KLHDC4: variants seen among roughly 807,000 people sequenced by gnomAD.
KLHDC4 encodes kelch domain-containing protein 4.
A neutral mutation model predicts 62.4 loss-of-function variants in KLHDC4; 90 were observed. The observed-to-expected ratio is 1.44, with a 90% CI of 1.22 to 1.72. The LOEUF is 1.72. KLHDC4 is among the 40% of genes most tolerant of loss of function. The pLI is 0.00. For missense variants in KLHDC4, 1,025 were observed against 699.7 expected (o/e 1.47, Z -5.25); for synonymous variants, 386 against 284.4 (o/e 1.36, Z -3.59).
intron 2 of KLHDC4, among the ~76,000 whole-genome samples, chr16:87,758,543 G>A (rs922921496): frequency 3.9e-5 from 6 of 152,158 alleles, no homozygotes; most frequent in Non-Finnish European, 1.5e-5. Flanking sequence ...AGGGGGCTGG[G>A]GGAGGGGAAA....
At chr16:87,757,677 G>A (rs976774123) in intron 2 of KLHDC4, among the ~76,000 whole-genome samples, 1 of 151,912 alleles carries the variant, frequency 6.6e-6, no homozygotes, top group Non-Finnish European at 1.5e-5. Flanking sequence ...ATCACCTGAG[G>A]TGAGGAGTTC....
At chr16:87,727,693 C>T (rs746721) in intron 6 of KLHDC4, among the ~76,000 whole-genome samples, 1 of 152,040 alleles carries the variant, frequency 6.6e-6, no homozygotes, top group Non-Finnish European at 1.5e-5. Flanking sequence ...AACTTTGACA[C>T]AATTATCGTG....
chr16:87,765,235 T>G, intron 1 of KLHDC4: 1 of 456,088 alleles, frequency 2.2e-6, no homozygotes, highest in Non-Finnish European at 4.4e-6. Context: ...GAGACAACCG[T>G]GATGGCCGCC....
intron 2 of KLHDC4, among the ~76,000 whole-genome samples, chr16:87,759,736 G>A (rs941094514): frequency 5.9e-5 from 9 of 152,074 alleles, no homozygotes; most frequent in East Asian, 1.9e-4. Flanking sequence ...GCTACACTCC[G>A]TCTCAGAAAA....
At chr16:87,719,252 G>C (rs1366567133) in intron 7 of KLHDC4, among the ~76,000 whole-genome samples, 1 of 152,276 alleles carries the variant, frequency 6.6e-6, no homozygotes. Context: ...GGAAAAGAAA[G>C]AGAGATCAGA....
At chr16:87,732,097 CTT>C (rs61370494) in intron 5 of KLHDC4, among the ~76,000 whole-genome samples, 33 of 132,196 alleles carry the variant, frequency 2.5e-4, no homozygotes, top group South Asian at 2.4e-4. Context: ...GTGCATATTT[CTT>C]TTTTTTTTTT....
At chr16:87,717,001 G>T (rs570920420) in intron 7 of KLHDC4, among the ~76,000 whole-genome samples, 1 of 152,242 alleles carries the variant, frequency 6.6e-6, no homozygotes, top group South Asian at 2.1e-4. Flanking sequence ...AGAGTCCAAG[G>T]TGGGCAGACT....
At chr16:87,708,512 C>T in intron 10 of KLHDC4, 46 bp from the exon 11 acceptor site, 3 of 1,459,326 alleles carry the variant, frequency 2.1e-6, no homozygotes, top group Non-Finnish European at 2.8e-6. Context: ...GCAGCTGAGG[C>T]AGGTGGGGGA....
chr16:87,745,597 T>C (rs902270803), intron 5 of KLHDC4, among the ~76,000 whole-genome samples: 8 of 152,234 alleles, frequency 5.3e-5, no homozygotes, highest in Admixed American at 2.6e-4. Flanking sequence ...TTAGCTAAGA[T>C]GCGCTTGGAG....
At chr16:87,727,681 G>A (rs1024472771) in intron 6 of KLHDC4, among the ~76,000 whole-genome samples, 3 of 152,184 alleles carry the variant, frequency 2.0e-5, no homozygotes, top group African/African-American at 7.2e-5. Context: ...GTCCTAATGT[G>A]GAACTTTGAC....
Position 87,756,455 on chromosome 16 carries a change from G to C in KLHDC4, c.214C>G (p.His72Asp). ...SPRLNASLSVHPEKDELILFG... is the reference protein window; with the variant it reads ...SPRLNASLSVDPEKDELILFG... ...AGGATTAACTCATCTTTCTCAGGAT[G>C]AACCGAGAGGGAGGCATTTAACCTA... The change falls in exon 3 of 12, where the codon CAT becomes GAT. Residue 72 changes from histidine (H) to aspartate (D), a missense_variant. Coordinates refer to ENST00000270583, the MANE Select transcript of KLHDC4 (RefSeq NM_017566.4). 6.2e-7 allele frequency: 1 copy of C among 1,613,888 alleles called. No homozygotes were observed. Among genetic ancestry groups the C allele is most frequent in the Non-Finnish European group, 8.5e-7 (1 of 1,179,828 alleles).
chr16:87,744,541 C>A (rs1362836579), intron 5 of KLHDC4, among the ~76,000 whole-genome samples: 1 of 150,900 alleles, frequency 6.6e-6, no homozygotes, highest in Non-Finnish European at 1.5e-5. Flanking sequence ...CAAGATTGTG[C>A]TACTGCACTC....
intron 5 of KLHDC4, among the ~76,000 whole-genome samples, chr16:87,737,077 A>T (rs1421012911): frequency 1.6e-5 from 2 of 122,184 alleles, no homozygotes; most frequent in Non-Finnish European, 3.2e-5. Flanking sequence ...GTGACCCGAG[A>T]TGGCGCCTTT....
At chr16:87,743,505 C>T (rs758970071) in intron 5 of KLHDC4, among the ~76,000 whole-genome samples, 4 of 151,918 alleles carry the variant, frequency 2.6e-5, no homozygotes, top group African/African-American at 7.3e-5. Context: ...TTTGGGAGGC[C>T]GAGGTGGGTG....
chr16:87,718,912 C>T (rs1425729252), intron 7 of KLHDC4, among the ~76,000 whole-genome samples: 1 of 151,336 alleles, frequency 6.6e-6, no homozygotes, highest in Non-Finnish European at 1.5e-5. Flanking sequence ...CTCTGCCCAG[C>T]CGCCACCCTG....
intron 8 of KLHDC4, 68 bp from the exon 9 acceptor site, chr16:87,711,511 C>T (rs541332487): frequency 1.6e-5 from 22 of 1,368,438 alleles, no homozygotes; most frequent in African/African-American, 2.9e-5. Flanking sequence ...GCCCAGGACA[C>T]GCTCAGGACC....
At chr16:87,714,607 G>A (rs1370014214) in intron 7 of KLHDC4, 34 bp from the exon 8 acceptor site, 4 of 1,611,774 alleles carry the variant, frequency 2.5e-6, no homozygotes, top group South Asian at 1.1e-5. Flanking sequence ...AGAACCGGGG[G>A]CAGCTACAGT....
chr16:87,710,655 GT>G (rs1567656573), intron 9 of KLHDC4: 1 of 153,128 alleles, frequency 6.5e-6, no homozygotes, highest in Non-Finnish European at 1.5e-5. Context: ...GAACCCGCGT[GT>G]TTTTCCAATT....
intron 2 of KLHDC4, among the ~76,000 whole-genome samples, 192 bp downstream of exon 2, chr16:87,761,757 G>C (rs1208192923): frequency 6.6e-6 from 1 of 152,188 alleles, no homozygotes; most frequent in Non-Finnish European, 1.5e-5. Context: ...TGTAGGCCCT[G>C]CTCCCAGGTT....
Sources: allele counts gnomAD v4.1 joint callset (sites outside exome capture counted in the v4.1 genomes callset), GRCh38; gene constraint gnomAD v4.1.1; transcripts MANE v1.5; gene names NCBI Gene and HGNC (gene_info 2026-07-23, HGNC 2026-07-21).